The following PRRC2A variants were observed in gnomAD, a reference collection of about 807,000 sequenced individuals.
PRRC2A encodes the protein protein PRRC2A.
Under a neutral mutation model 224.6 loss-of-function variants are expected in PRRC2A, and 59 were observed. That is an observed-to-expected ratio of 0.26 (90% confidence interval 0.21 to 0.33). The LOEUF is 0.33. Ranked by LOEUF, PRRC2A falls within the 10% of genes least tolerant of loss-of-function variation. PRRC2A has a pLI of 1.00. For missense variants in PRRC2A, 3,095 were observed against 2,880.7 expected, an observed-to-expected ratio of 1.07 and a Z score of -1.70; for synonymous variants, 1,194 against 1,109.5, an observed-to-expected ratio of 1.08 and a Z score of -1.51.
Position 31,630,680 on chromosome 6 carries a change from A to T in PRRC2A, c.2344A>T (p.Thr782Ser). The T allele has an allele frequency of 1.9e-6, 3 of 1,613,894 alleles. No homozygotes were observed. The highest frequency in any genetic ancestry group is 2.5e-6 in the Non-Finnish European group (3 of 1,179,982). ...ACCTGCTATGTTACGGGAACGGGGC[A>T]CTCCACCGGTGGATCCAAAGTTGGC... is the stretch of plus-strand genomic sequence containing the variant. ...HAPAMLRERG[T>S]PPVDPKLAWV... Residue 782 changes from threonine (T) to serine (S), a missense_variant, in exon 15 of 31, where the codon ACT becomes TCT. Physicochemically the swap from Thr to Ser is moderately conservative, Grantham distance 58 (BLOSUM62 1). This residue lies in a region of PRRC2A where 2,001 missense variants were observed against 1,764.9 expected (regional missense o/e 1.13). Coordinates refer to ENST00000376033, the MANE Select transcript of PRRC2A (RefSeq NM_004638.4).
At chr6:31,628,305 G>T in intron 12 of PRRC2A, 66 bp downstream of exon 12, 1 of 1,526,570 alleles carries the variant, frequency 6.6e-7, no homozygotes, top group Admixed American at 2.1e-5. Context: ...AAAGGTGCAG[G>T]GTGGTAAGGC....
intron 29 of PRRC2A, 28 bp downstream of exon 29, chr6:31,637,164 C>G: frequency 6.2e-7 from 1 of 1,608,850 alleles, no homozygotes; most frequent in South Asian, 1.1e-5. Flanking sequence ...TGTGGACTTT[C>G]CAAGTGCTTC....
At position 31,622,716 on chromosome 6, in the gene PRRC2A, C is replaced by G. The variant is rs576157932; in HGVS notation, c.-74C>G. On this transcript the variant is annotated 5_prime_UTR_variant, in exon 2 of 31. Coordinates refer to ENST00000376033, the MANE Select transcript of PRRC2A (RefSeq NM_004638.4). ...GGACAGAGACTGAGACACTTGCTGT[C>G]TGGCCCACAGGCTCTGGCACGTTTT... 26 of 1,082,234 alleles carry G rather than the reference C, an allele frequency of 2.4e-5. No individual in the cohort carries two copies. The African/African-American group carries it at 3.6e-4, about 15-fold the overall frequency. The allele number at this position is 1,082,234 out of a possible 1,614,324, so 67.0% of individuals were successfully genotyped here.
In PRRC2A at chr6:31,634,509, G is replaced by A; in HGVS notation, c.4887G>A (p.Glu1629=). 1 of 1,612,930 alleles carries A rather than the reference G, an allele frequency of 6.2e-7. No homozygotes were observed. Among genetic ancestry groups the A allele is most frequent in the South Asian group, 1.1e-5 (1 of 91,072 alleles). ...AGAGTTACCGGCCCAGCTCCATGGAGCCTTGGATGGAGCCCCTGAGTCCTT... is the reference window on the plus strand; with the variant it reads ...AGAGTTACCGGCCCAGCTCCATGGAACCTTGGATGGAGCCCCTGAGTCCTT... ...SRKSYRPSSM[E]PWMEPLSPFE... Residue 1629 remains glutamate, a synonymous_variant, in exon 20 of 31, where the codon GAG becomes GAA. Coordinates refer to ENST00000376033, the MANE Select transcript of PRRC2A (RefSeq NM_004638.4).
rs1227786794 is a variant in PRRC2A, at chr6:31,633,012, T to C, written c.4319+20T>C. ...CCGAAGGTGGGTAGGAACAAACAAA[T>C]TTATTGTGGTTTAAAAATTGGAGGA... is the stretch of plus-strand genomic sequence containing the variant. On this transcript the variant is annotated intron_variant, in intron 16 of 30. Coordinates refer to ENST00000376033, the MANE Select transcript of PRRC2A (RefSeq NM_004638.4). The C allele has an allele frequency of 2.0e-6, 3 of 1,492,312 alleles. No individual in the cohort carries two copies. In the South Asian group the frequency reaches 3.9e-5, roughly 20 times the overall value. 92.4% of individuals were successfully genotyped at this position (1,492,312 alleles called of 1,614,324 possible).
Position 31,625,854 on chromosome 6 carries a change from C to G in PRRC2A, c.822C>G (p.Pro274=), listed in dbSNP as rs373606490. 2.0e-5 allele frequency: 32 copies of G among 1,589,116 alleles called. No individual in the cohort carries two copies. The highest frequency in any genetic ancestry group is 1.3e-4 in the Admixed American group (8 of 59,970). ...PYGPQGPYRY[P]TPDGPSRFPR... is the part of the protein sequence containing the mutation. ...GACCCCAGGGGCCTTACCGATACCC[C>G]ACTCCTGATGGGCCCAGGTGAGCAA... is the stretch of plus-strand genomic sequence containing the variant. Residue 274 remains proline, a synonymous_variant, in exon 8 of 31, where the codon CCC becomes CCG. Coordinates refer to ENST00000376033, the MANE Select transcript of PRRC2A (RefSeq NM_004638.4). The surrounding 1 kb of genome is among the most constrained non-coding windows in gnomAD (Gnocchi z 4.1).
At position 31,637,698 on chromosome 6, in the gene PRRC2A, T is replaced by TC. The variant is rs1388670351; in HGVS notation, c.*117dup. 1 of 585,412 alleles carries TC rather than the reference T, an allele frequency of 1.7e-6. No individual in the cohort carries two copies. The highest frequency in any genetic ancestry group is 2.7e-6 in the Non-Finnish European group (1 of 375,632). 36.3% of individuals were successfully genotyped at this position (585,412 alleles called of 1,614,324 possible). On this transcript the variant is annotated 3_prime_UTR_variant, in exon 31 of 31. Coordinates refer to ENST00000376033, the MANE Select transcript of PRRC2A (RefSeq NM_004638.4). ...GGGGCTGGGGCCTCACTTCCCCTCC[T>TC]CCCCCTTCCCCTGGTCCCCTGTCCC...
At position 31,632,941 on chromosome 6, in the gene PRRC2A, C is replaced by T. The variant is rs776554819; in HGVS notation, c.4268C>T (p.Thr1423Ile). Residue 1423 changes from threonine to isoleucine, a missense_variant, in exon 16 of 31, where the codon ACC becomes ATC. Thr to Ile is a moderately conservative substitution (Grantham distance 89, BLOSUM62 -1). Coordinates refer to ENST00000376033, the MANE Select transcript of PRRC2A (RefSeq NM_004638.4). ...GGGGGGPGGR[T>I]GPGRGDKRSW... Reference sequence around the variant, plus strand: ...GGCGGTGGGGGTCCTGGAGGAAGGACCGGGCCAGGACGAGGCGACAAGAGG... The same window carrying T: ...GGCGGTGGGGGTCCTGGAGGAAGGATCGGGCCAGGACGAGGCGACAAGAGG... 2 of 1,611,166 alleles carry T rather than the reference C, an allele frequency of 1.2e-6. No individual in the cohort carries two copies. The highest frequency in any genetic ancestry group is 1.7e-6 in the Non-Finnish European group (2 of 1,179,058).
chr6:31,626,760 A>G lies in PRRC2A; in HGVS notation c.983-12A>G, dbSNP rs1200699564. ...GAATGCTTGGGTTACTAATACTCATATTTCCCCTCAGGGGCCCATGAAGAG... is the reference window on the plus strand; with the variant it reads ...GAATGCTTGGGTTACTAATACTCATGTTTCCCCTCAGGGGCCCATGAAGAG... On this transcript the variant is annotated splice_polypyrimidine_tract_variant and intron_variant, in intron 9 of 30. Coordinates refer to ENST00000376033, the MANE Select transcript of PRRC2A (RefSeq NM_004638.4). The G allele has an allele frequency of 1.9e-6, 3 of 1,564,324 alleles. No individual in the cohort carries two copies. Among genetic ancestry groups the G allele is most frequent in the African/African-American group, 2.7e-5 (2 of 74,086 alleles).
At chr6:31,637,211 C>G (rs752591818) in intron 29 of PRRC2A, 23 bp from the exon 30 acceptor site, 1 of 1,606,550 alleles carries the variant, frequency 6.2e-7, no homozygotes, top group Non-Finnish European at 8.5e-7. Context: ...CTAGGCTTGC[C>G]TTAGACGCCC....
intron 2 of PRRC2A, chr6:31,623,120 A>T (rs1460349021): frequency 5.3e-6 from 4 of 760,470 alleles, no homozygotes; most frequent in Non-Finnish European, 9.6e-6. Context: ...GTCTTTGGAC[A>T]CGTAAGAATT....
At position 31,631,650 on chromosome 6, in the gene PRRC2A, G is replaced by T; in HGVS notation, c.2977G>T (p.Gly993Cys). ...CAAGATAACCAAGGGGAAGCTAGGGGGCCCCAAGGAGACCCCACCCAATGG... is the reference window on the plus strand; with the variant it reads ...CAAGATAACCAAGGGGAAGCTAGGGTGCCCCAAGGAGACCCCACCCAATGG... ...PLKITKGKLG[G>C]PKETPPNGNL... The change falls in exon 16 of 31, where the codon GGC becomes TGC. Residue 993 changes from glycine to cysteine, a missense_variant. Gly to Cys is a radical substitution (Grantham distance 159). Around this residue, in one of 8 missense-constraint regions of PRRC2A, gnomAD observed 2,001 missense variants for 1,764.9 expected, o/e 1.13. Coordinates refer to ENST00000376033, the MANE Select transcript of PRRC2A (RefSeq NM_004638.4). The surrounding 1 kb of genome is among the most constrained non-coding windows in gnomAD (Gnocchi z 4.5). 1 of 1,515,798 alleles carries T rather than the reference G, an allele frequency of 6.6e-7. No individual in the cohort carries two copies. 93.9% of individuals were successfully genotyped at this position (1,515,798 alleles called of 1,614,324 possible). A position where few individuals can be genotyped will look rare whatever the true frequency, so the allele number is the denominator to read the frequency against.
At position 31,636,698 on chromosome 6, in the gene PRRC2A, G is replaced by GC. The variant is rs1162644142; in HGVS notation, c.5935-30dup. 1.2e-6 allele frequency: 2 copies of GC among 1,600,226 alleles called. No individual in the cohort carries two copies. Among genetic ancestry groups the GC allele is most frequent in the Non-Finnish European group, 8.5e-7 (1 of 1,171,924 alleles). The stretch of plus-strand genomic sequence containing the variant: ...CCCTGGTTTTCTGACATTCCTCCCT[G>GC]CCCCCAACATGCACACCCAAATTTC... On this transcript the variant is annotated intron_variant, in intron 27 of 30. Coordinates refer to ENST00000376033, the MANE Select transcript of PRRC2A (RefSeq NM_004638.4). The surrounding 1 kb of genome is among the most constrained non-coding windows in gnomAD (Gnocchi z 4.3).
Position 31,637,122 on chromosome 6 carries a change from TCCC to T in PRRC2A, c.6231_6233del (p.Pro2078del). 2.5e-6 allele frequency: 4 copies of T among 1,610,580 alleles called. No individual in the cohort carries two copies. The highest frequency in any genetic ancestry group is 3.4e-6 in the Non-Finnish European group (4 of 1,178,628). ...TTGGGGGACCTGGATCATCACGGAC[TCCC>T]CCAACTGGAAGGTGAAACGGAATAG... On this transcript the variant is annotated inframe_deletion, in exon 29 of 31. Transcript: ENST00000376033.
rs1194862246 is a variant in PRRC2A, at chr6:31,624,313, C to G, written c.343C>G (p.Gln115Glu). 1 of 1,613,920 alleles carries G rather than the reference C, an allele frequency of 6.2e-7. No individual in the cohort carries two copies. Among genetic ancestry groups the G allele is most frequent in the East Asian group, 2.2e-5 (1 of 44,900 alleles). Residue 115 changes from glutamine (Q) to glutamate (E), a missense_variant, in exon 4 of 31, where the codon CAG (glutamine) becomes GAG (glutamate). By Grantham distance (29) the Gln-to-Glu change is conservative. Coordinates refer to ENST00000376033, the MANE Select transcript of PRRC2A (RefSeq NM_004638.4). Reference sequence around the variant, plus strand: ...GGAATCGCAGCCACTGCCGGCTTCACAGACGCCTGCCTCCAACCAGCCGAA... The same window carrying G: ...GGAATCGCAGCCACTGCCGGCTTCAGAGACGCCTGCCTCCAACCAGCCGAA... The part of the protein sequence containing the change: ...PPESQPLPAS[Q>E]TPASNQPKRP...
chr6:31,627,886 GAGA>G lies in PRRC2A; in HGVS notation c.1419_1421del (p.Glu475del). 6.2e-7 allele frequency: 1 copy of G among 1,613,018 alleles called. No individual in the cohort carries two copies. The highest frequency in any genetic ancestry group is 2.2e-5 in the East Asian group (1 of 44,894). Reference sequence around the variant, plus strand: ...GCAGTGGAGCGGGCCCGGCGACGGCGAGAAGAAGAGGAGCGGCGCATGCAAGAA... The same window carrying G: ...GCAGTGGAGCGGGCCCGGCGACGGCGAGAAGAGGAGCGGCGCATGCAAGAA... On this transcript the variant is annotated inframe_deletion, in exon 12 of 31. Transcript: ENST00000376033. This position sits in a 1 kb window ranked among gnomAD's most constrained non-coding sequence, Gnocchi z 5.6.
chr6:31,623,984 A>C, intron 3 of PRRC2A, 75 bp downstream of exon 3: 1 of 1,541,108 alleles, frequency 6.5e-7, no homozygotes, highest in East Asian at 2.3e-5. Context: ...GGCTTGGTTT[A>C]GTCCAGCCAC....
chr6:31,628,509 G>A (rs891199087), intron 12 of PRRC2A: 1 of 561,442 alleles, frequency 1.8e-6, no homozygotes, highest in Admixed American at 3.5e-5. Context: ...GTGGAGGATC[G>A]CTTGAGCCTA....
intron 22 of PRRC2A, 22 bp downstream of exon 22, chr6:31,635,294 G>T: frequency 1.2e-6 from 2 of 1,613,870 alleles, no homozygotes; most frequent in Non-Finnish European, 1.7e-6. Flanking sequence ...CTGGATCTGG[G>T]TATCCTGAGT....
Sources: allele counts gnomAD v4.1 joint callset, GRCh38; gene constraint gnomAD v4.1.1; regional missense constraint gnomAD v4.1.1; non-coding constraint Gnocchi (gnomAD v3.1); transcripts MANE v1.5; gene names NCBI Gene and HGNC (gene_info 2026-07-23, HGNC 2026-07-21).